Variants in ROBO2 observed in about 807,000 individuals in gnomAD.
The protein encoded by ROBO2 is roundabout homolog 2.
Under a neutral mutation model 160.8 loss-of-function variants are expected in ROBO2, and 53 were observed. That is an observed-to-expected ratio of 0.33 (90% confidence interval 0.26 to 0.41). The LOEUF (loss-of-function observed/expected upper bound fraction) is 0.41. Ranked by LOEUF, ROBO2 falls within the 10% of genes least tolerant of loss-of-function variation. ROBO2 has a pLI of 1.00. For synonymous variants in ROBO2, 664 were observed against 611.7 expected, an observed-to-expected ratio of 1.09 and a Z score of -1.26; for missense variants, 1,577 against 1,722.4, an observed-to-expected ratio of 0.92 and a Z score of 1.49.
intron 2 of ROBO2, among the ~76,000 whole-genome samples, chr3:76,276,291 T>TATCA (rs1257144894): frequency 1.3e-5 from 2 of 152,090 alleles, no homozygotes; most frequent in Admixed American, 1.3e-4. Flanking sequence ...TTCTAATATC[T>TATCA]ATCAATGTCC....
At chr3:77,306,531 C>T (rs2063107513) in intron 2 of ROBO2, among the ~76,000 whole-genome samples, 2 of 152,062 alleles carry the variant, frequency 1.3e-5, no homozygotes, top group South Asian at 2.1e-4. Flanking sequence ...AAAATAAACA[C>T]ACATTTTTAA....
chr3:77,192,387 T>A (rs116751871), intron 2 of ROBO2, among the ~76,000 whole-genome samples: 1,735 of 152,316 alleles, frequency 0.011, 18 homozygotes, highest in Non-Finnish European at 0.014. Flanking sequence ...CCATGTTTTT[T>A]ATACATATTT....
At chr3:76,707,845 G>T (rs895517735) in intron 2 of ROBO2, among the ~76,000 whole-genome samples, 3 of 151,570 alleles carry the variant, frequency 2.0e-5, no homozygotes, top group African/African-American at 7.3e-5. Flanking sequence ...AGTGATGACA[G>T]CCAACTGGCT....
At chr3:76,583,380 A>G (rs1481160073) in intron 2 of ROBO2, among the ~76,000 whole-genome samples, 2 of 152,198 alleles carry the variant, frequency 1.3e-5, no homozygotes, top group Non-Finnish European at 2.9e-5. Context: ...TCTGATATGT[A>G]ACATAAATAG....
chr3:77,199,330 G>C (rs917247921), intron 2 of ROBO2, among the ~76,000 whole-genome samples: 2 of 152,158 alleles, frequency 1.3e-5, no homozygotes, highest in Admixed American at 1.3e-4. Flanking sequence ...AGGAGAACCT[G>C]GTTGAACACC....
At chr3:76,383,265 G>A (rs1406843700) in intron 2 of ROBO2, among the ~76,000 whole-genome samples, 1 of 152,114 alleles carries the variant, frequency 6.6e-6, no homozygotes, top group African/African-American at 2.4e-5. Flanking sequence ...AATTTTGTCT[G>A]TTCAACTCTG....
chr3:77,581,392 A>G (rs1559658729), intron 16 of ROBO2, among the ~76,000 whole-genome samples: 2 of 152,088 alleles, frequency 1.3e-5, no homozygotes, highest in African/African-American at 4.8e-5. Context: ...ACCTCTAGAT[A>G]CTGAGGATAT....
At chr3:77,547,260 T>G (rs1191482389) in intron 7 of ROBO2, among the ~76,000 whole-genome samples, 1 of 152,116 alleles carries the variant, frequency 6.6e-6, no homozygotes, top group African/African-American at 2.4e-5. Context: ...TTGTGTTGTT[T>G]GCAAAATAAT....
intron 2 of ROBO2, among the ~76,000 whole-genome samples, chr3:76,824,246 C>A (rs1385342866): frequency 6.6e-6 from 1 of 152,176 alleles, no homozygotes; most frequent in East Asian, 1.9e-4. Context: ...TGTGGCCATA[C>A]ATAACTGCAG....
intron 2 of ROBO2, among the ~76,000 whole-genome samples, chr3:76,462,399 C>G (rs2078134539): frequency 6.6e-6 from 1 of 152,118 alleles, no homozygotes; most frequent in Admixed American, 6.6e-5. Context: ...TATACACACA[C>G]ACACATACAT....
chr3:77,281,751 A>G (rs1249451255), intron 2 of ROBO2, among the ~76,000 whole-genome samples: 1 of 152,170 alleles, frequency 6.6e-6, no homozygotes, highest in Admixed American at 6.5e-5. Context: ...GTGCAGGGGA[A>G]GGAAGGATGG....
intron 2 of ROBO2, among the ~76,000 whole-genome samples, chr3:76,350,035 T>A (rs2074779068): frequency 1.3e-5 from 2 of 151,992 alleles, no homozygotes; most frequent in South Asian, 4.1e-4. Flanking sequence ...CAAAAGATAG[T>A]TTGAAACAAA....
intron 1 of ROBO2, among the ~76,000 whole-genome samples, chr3:77,051,662 G>A (rs182937502): frequency 8.5e-5 from 13 of 152,300 alleles, no homozygotes; most frequent in Admixed American, 3.9e-4. Context: ...AAATGACCAG[G>A]CAATTGCTTG....
At chr3:76,665,090 G>A (rs758700712) in intron 2 of ROBO2, among the ~76,000 whole-genome samples, 1 of 152,098 alleles carries the variant, frequency 6.6e-6, no homozygotes, top group Non-Finnish European at 1.5e-5. Flanking sequence ...CTAGATCATG[G>A]CTGAGGAATG....
rs777286855 is a variant in ROBO2 at position 77,228,260 on chromosome 3, G to A, written c.388+129920G>A. Among the ~76,000 whole-genome samples, 29 of 152,030 alleles carry A rather than the reference G, an allele frequency of 1.9e-4. 2 individuals carry two copies. Among genetic ancestry groups the A allele is most frequent in the South Asian group, 2.1e-4 (1 of 4,818 alleles). On this transcript the variant is annotated intron_variant, in intron 2 of 25. Coordinates refer to ENST00000461745, the Ensembl canonical transcript of ROBO2. ...CAGCTTAATGCAGCCTTGAACTCCC[G>A]GGCTCAAGGGATCCTCCCACCTCAG...
At chr3:76,828,635 C>A (rs2066791501) in intron 2 of ROBO2, among the ~76,000 whole-genome samples, 9 of 152,064 alleles carry the variant, frequency 5.9e-5, no homozygotes, top group Admixed American at 5.9e-4. Flanking sequence ...TAATAATTTT[C>A]TAGGCTCTTT....
chr3:77,133,257 A>C (rs2076005946), intron 2 of ROBO2, among the ~76,000 whole-genome samples: 1 of 152,120 alleles, frequency 6.6e-6, no homozygotes, highest in Admixed American at 6.6e-5. Context: ...TTGTCAGGTA[A>C]TATTTTGAGA....
chr3:77,320,507 G>A (rs1314479521), intron 2 of ROBO2, among the ~76,000 whole-genome samples: 4 of 151,820 alleles, frequency 2.6e-5, no homozygotes, highest in Non-Finnish European at 5.9e-5. Flanking sequence ...CTAGAGGGAC[G>A]CAAATTGCAG....
At chr3:76,023,695 TATA>T (rs1204731043) in intron 2 of ROBO2, among the ~76,000 whole-genome samples, 3 of 151,506 alleles carry the variant, frequency 2.0e-5, no homozygotes, top group African/African-American at 7.3e-5. Context: ...ACCATAACAA[TATA>T]ATGACAATGA....
Sources: gnomAD v4.1 joint callset for allele counts (sites outside exome capture counted in the v4.1 genomes callset) on GRCh38, gnomAD v4.1.1 for gene constraint, MANE v1.5 for transcripts, NCBI Gene and HGNC (gene_info 2026-07-23, HGNC 2026-07-21) for gene names.